Variants in SESTD1 observed in about 807,000 individuals in gnomAD.
SESTD1 encodes the protein SEC14 and spectrin domain containing 1.
Under a neutral mutation model 101.7 loss-of-function variants are expected in SESTD1, and 43 were observed. The ratio of observed to expected loss-of-function variants is 0.42; its 90% confidence interval spans 0.33 to 0.55. The LOEUF (loss-of-function observed/expected upper bound fraction) is 0.55, where lower values mean the gene tolerates loss of function less well. Among genes scored for constraint, SESTD1 ranks in the 20% least tolerant of loss-of-function variants. SESTD1 has a pLI of 0.07. For synonymous variants in SESTD1, 283 were observed against 286.8 expected, an observed-to-expected ratio of 0.99 and a Z score of 0.13; for missense variants, 647 against 815.1, an observed-to-expected ratio of 0.79 and a Z score of 2.51.
rs191548603 is a variant in SESTD1 at position 179,210,978 on chromosome 2, A to G, written c.-25-19112T>C. Among the ~76,000 whole-genome samples, 229 of 134,112 alleles carry G rather than the reference A, an allele frequency of 1.7e-3. 51 individuals are homozygous for G. The highest frequency in any genetic ancestry group is 6.6e-3 in the African/African-American group (225 of 33,896). The allele number at this position is 134,112 out of a possible 152,430, so 88.0% of individuals were successfully genotyped here. ...TCAATGAATTCAATAAAGTTTCAGG[A>G]TACAAAATCAATGCACAAAAATCAG... is the stretch of plus-strand genomic sequence containing the variant. On this transcript the variant is annotated intron_variant, in intron 1 of 17. Transcript: ENST00000428443.
chr2:179,236,916 C>T (rs1037682985), intron 1 of SESTD1, among the ~76,000 whole-genome samples: 1 of 143,466 alleles, frequency 7.0e-6, no homozygotes, highest in Admixed American at 6.9e-5. Context: ...TATTTAATTA[C>T]AAGGATCATC....
At chr2:179,144,636 C>T (rs2045355325) in intron 8 of SESTD1, among the ~76,000 whole-genome samples, 1 of 151,960 alleles carries the variant, frequency 6.6e-6, no homozygotes, top group Admixed American at 6.6e-5. Flanking sequence ...AAATTCTCTT[C>T]CTTATTTAGA....
intron 1 of SESTD1, among the ~76,000 whole-genome samples, chr2:179,254,747 C>T (rs947358936): frequency 6.6e-6 from 1 of 152,144 alleles, no homozygotes; most frequent in African/African-American, 2.4e-5. Flanking sequence ...GATATATTTG[C>T]CATGAATTTT....
intron 1 of SESTD1, among the ~76,000 whole-genome samples, chr2:179,255,440 TG>T (rs1233305875): frequency 6.6e-6 from 1 of 152,198 alleles, no homozygotes; most frequent in Non-Finnish European, 1.5e-5. Flanking sequence ...AAAGGTCCAG[TG>T]GTCTGGATAG....
At chr2:179,235,595 T>C (rs1322122125) in intron 1 of SESTD1, among the ~76,000 whole-genome samples, 1 of 152,198 alleles carries the variant, frequency 6.6e-6, no homozygotes, top group East Asian at 1.9e-4. Context: ...CTACATGCAA[T>C]GGCACATAGC....
intron 1 of SESTD1, among the ~76,000 whole-genome samples, chr2:179,251,342 CG>C (rs565322554): frequency 1.7e-3 from 259 of 152,246 alleles, no homozygotes; most frequent in South Asian, 0.016. Flanking sequence ...GAAACTTACC[CG>C]AAACCTCTTT....
At chr2:179,157,820 A>T (rs899927859) in intron 5 of SESTD1, among the ~76,000 whole-genome samples, 1 of 152,176 alleles carries the variant, frequency 6.6e-6, no homozygotes. Flanking sequence ...GCTTCTGGCA[A>T]AGAAATTATC....
chr2:179,188,399 G>A (rs1042329879), intron 2 of SESTD1, among the ~76,000 whole-genome samples: 5 of 152,144 alleles, frequency 3.3e-5, no homozygotes, highest in East Asian at 1.9e-4. Flanking sequence ...GTGATACAAC[G>A]TATCAAAGTG....
At chr2:179,128,961 G>A (rs982797277) in intron 10 of SESTD1, among the ~76,000 whole-genome samples, 1 of 152,142 alleles carries the variant, frequency 6.6e-6, no homozygotes, top group Non-Finnish European at 1.5e-5. Context: ...AAGCAGTCAG[G>A]ATTGACAATG....
intron 1 of SESTD1, among the ~76,000 whole-genome samples, chr2:179,238,023 CAT>C: frequency 1.3e-5 from 2 of 152,280 alleles, no homozygotes; most frequent in Middle Eastern, 3.4e-3. Flanking sequence ...TTACCAATAA[CAT>C]AAAAGCAATT....
At chr2:179,180,465 G>C (rs1033120863) in intron 3 of SESTD1, among the ~76,000 whole-genome samples, 1 of 152,094 alleles carries the variant, frequency 6.6e-6, no homozygotes, top group African/African-American at 2.4e-5. Flanking sequence ...GACAAAAGCA[G>C]GTCACAAAAG....
chr2:179,132,352 G>T lies in SESTD1; in HGVS notation c.924C>A (p.Ala308=). The change falls in exon 10 of 18, where the codon GCC becomes GCA. Residue 308 remains alanine (A), a synonymous_variant. Coordinates refer to ENST00000428443, the MANE Select transcript of SESTD1 (RefSeq NM_178123.5). ...AQWGIGDSIR[A]SQALQQKHEE... ...CGTGTTTCTGCTGTAGGGCCTGGGA[G>T]GCCCTAATGGAGTCTCCAATGCCCC... is the stretch of plus-strand genomic sequence containing the variant. 6.4e-7 allele frequency: 1 copy of T among 1,566,838 alleles called. No individual in the cohort carries two copies. The highest frequency in any genetic ancestry group is 8.6e-7 in the Non-Finnish European group (1 of 1,165,642).
intron 5 of SESTD1, among the ~76,000 whole-genome samples, chr2:179,163,772 C>T (rs2045784932): frequency 6.6e-6 from 1 of 152,064 alleles, no homozygotes; most frequent in Admixed American, 6.6e-5. Context: ...TATTAACTAG[C>T]ACATATCATG....
At chr2:179,111,531 T>C (rs1457147393) in intron 17 of SESTD1, among the ~76,000 whole-genome samples, 1 of 152,190 alleles carries the variant, frequency 6.6e-6, no homozygotes. Context: ...GAGTAAGTGG[T>C]AGAGCTGAGA....
chr2:179,175,557 G>C (rs2045997110), intron 4 of SESTD1, among the ~76,000 whole-genome samples: 1 of 151,950 alleles, frequency 6.6e-6, no homozygotes, highest in Admixed American at 6.6e-5. Context: ...CATTGTATTT[G>C]CTTCATTATG....
chr2:179,110,464 T>C (rs1020442103), intron 17 of SESTD1, among the ~76,000 whole-genome samples: 2 of 152,222 alleles, frequency 1.3e-5, no homozygotes, highest in African/African-American at 4.8e-5. Flanking sequence ...CATTAACAGA[T>C]AAAATTATTA....
intron 1 of SESTD1, among the ~76,000 whole-genome samples, chr2:179,234,926 T>C (rs2047044713): frequency 6.8e-6 from 1 of 146,480 alleles, no homozygotes; most frequent in Non-Finnish European, 1.5e-5. Flanking sequence ...CTGGGCAACA[T>C]AGTGAGATCT....
At chr2:179,198,656 C>G (rs2046446056) in intron 1 of SESTD1, among the ~76,000 whole-genome samples, 1 of 151,838 alleles carries the variant, frequency 6.6e-6, no homozygotes, top group East Asian at 1.9e-4. Context: ...GAATCTCACT[C>G]AAAACCGCTC....
rs146491473 is a variant in SESTD1, at chr2:179,240,945, C to A, written c.-26+23554G>T. 8.4e-3 allele frequency among the ~76,000 whole-genome samples: 1,270 copies of A among 151,948 alleles called. 13 individuals carry two copies. The highest frequency in any genetic ancestry group is 0.027 in the African/African-American group (1,115 of 41,422). ...AGCAGCCATGATGAAAATGCTTCCACAAGGAATTATGAACATGTTTAAAAC... is the reference window on the plus strand; with the variant it reads ...AGCAGCCATGATGAAAATGCTTCCAAAAGGAATTATGAACATGTTTAAAAC... On this transcript the variant is annotated intron_variant, in intron 1 of 17. Transcript: ENST00000428443.
Sources: allele counts gnomAD v4.1 joint callset (sites outside exome capture counted in the v4.1 genomes callset), GRCh38; gene constraint gnomAD v4.1.1; transcripts MANE v1.5; gene names NCBI Gene and HGNC (gene_info 2026-07-23, HGNC 2026-07-21).